The following SLC38A10 variants were observed in gnomAD, a reference collection of about 807,000 sequenced individuals.
SLC38A10 encodes the protein solute carrier family 38 member 10, also known as Sodium-coupled neutral amino acid transporter 10.
In SLC38A10, 53 loss-of-function variants were observed where a neutral mutation model predicts 81.0. The observed-to-expected ratio is 0.65, with a 90% CI of 0.53 to 0.82. The LOEUF (loss-of-function observed/expected upper bound fraction) is 0.82. Ranked by LOEUF, SLC38A10 falls within the 40% of genes least tolerant of loss-of-function variation. SLC38A10 has a pLI of 0.00. For missense variants in SLC38A10, 1,471 were observed against 1,545.0 expected, an observed-to-expected ratio of 0.95 and a Z score of 0.80; for synonymous variants, 665 against 655.3, an observed-to-expected ratio of 1.01 and a Z score of -0.23.
chr17:81,274,687 G>A (rs1225286002), intron 8 of SLC38A10, among the ~76,000 whole-genome samples: 1 of 152,172 alleles, frequency 6.6e-6, no homozygotes, highest in Non-Finnish European at 1.5e-5. Flanking sequence ...ACAGCACAGC[G>A]GGCCTTTCAT....
intron 11 of SLC38A10, among the ~76,000 whole-genome samples, chr17:81,256,809 T>C (rs936733269): frequency 9.2e-5 from 14 of 152,250 alleles, no homozygotes; most frequent in African/African-American, 3.1e-4. Context: ...AGCTGACCAA[T>C]GACCTCATGG....
At chr17:81,246,770 A>C in intron 15 of SLC38A10, 97 bp from the exon 16 acceptor site, 1 of 1,498,542 alleles carries the variant, frequency 6.7e-7, no homozygotes. Flanking sequence ...ATTGGGAACC[A>C]AAACCAGACT....
At chr17:81,261,826 G>A (rs1244229123) in intron 10 of SLC38A10, among the ~76,000 whole-genome samples, 2 of 152,248 alleles carry the variant, frequency 1.3e-5, no homozygotes, top group East Asian at 3.8e-4. Flanking sequence ...ACAGCTGGCC[G>A]GAGCAAGCGG....
intron 10 of SLC38A10, 21 bp from the exon 11 acceptor site, chr17:81,260,415 G>A (rs373721672): frequency 3.5e-4 from 557 of 1,601,020 alleles, no homozygotes; most frequent in Non-Finnish European, 4.5e-4. Flanking sequence ...AAAGACCCCA[G>A]GGGCGGGAGT....
At chr17:81,272,941 G>T (rs1301453670) in intron 8 of SLC38A10, among the ~76,000 whole-genome samples, 1 of 152,168 alleles carries the variant, frequency 6.6e-6, no homozygotes, top group African/African-American at 2.4e-5. Flanking sequence ...GCAATACCAC[G>T]AGAGTTTTTT....
At chr17:81,257,520 C>T (rs767697820) in intron 11 of SLC38A10, among the ~76,000 whole-genome samples, 5 of 152,352 alleles carry the variant, frequency 3.3e-5, no homozygotes, top group Non-Finnish European at 5.9e-5. Context: ...TGAGATCACC[C>T]CGCCATCCGT....
Position 81,246,207 on chromosome 17 carries a change from GC to G in SLC38A10, c.2708del (p.Gly903AlafsTer5). 6.2e-7 allele frequency: 1 copy of G among 1,612,702 alleles called. No homozygotes were observed. Among genetic ancestry groups the G allele is most frequent in the Non-Finnish European group, 8.5e-7 (1 of 1,179,958 alleles). Reference protein sequence around the residue: ...KKPGKEVAATGTSILKEANWL... With the variant: ...KKPGKEVAATXTSILKEANWL... The stretch of plus-strand genomic sequence containing the variant: ...AGTTGGCTTCCTTCAGAATGCTGGT[GC>G]CAGTGGCTGCCACCTCCTTCCCAGG... On this transcript the variant is annotated frameshift_variant, in exon 16 of 16. Transcript: ENST00000374759. LOFTEE classifies it low-confidence loss of function (END_TRUNC).
Position 81,270,852 on chromosome 17 carries a change from G to A in SLC38A10, c.1131+66C>T, listed in dbSNP as rs763590694. The A allele has an allele frequency of 1.1e-5, 15 of 1,390,198 alleles. No homozygotes were observed. Among genetic ancestry groups the A allele is most frequent in the Admixed American group, 5.3e-5 (3 of 56,704 alleles). 86.1% of individuals were successfully genotyped at this position (1,390,198 alleles called of 1,614,324 possible). A position where few individuals can be genotyped will look rare whatever the true frequency, so the allele number is the denominator to read the frequency against. On this transcript the variant is annotated intron_variant, in intron 10 of 15. Transcript: ENST00000374759. The surrounding 1 kb of genome is among the most constrained non-coding windows in gnomAD (Gnocchi z 4.0). ...AACGCTGAACCAGGGGCTTCCTCCC[G>A]CCTCCACCTCTCCCCAGCCCAGACC...
chr17:81,247,222 C>A, intron 14 of SLC38A10, 161 bp from the exon 15 acceptor site: 1 of 747,550 alleles, frequency 1.3e-6, no homozygotes, highest in South Asian at 2.3e-5. Context: ...GACCGTGAAG[C>A]CCGGACAGCT....
chr17:81,293,421 C>G (rs2063325274), intron 1 of SLC38A10, among the ~76,000 whole-genome samples: 1 of 152,206 alleles, frequency 6.6e-6, no homozygotes, highest in Admixed American at 6.5e-5. Flanking sequence ...AACTCAGACA[C>G]AACAGCCTGG....
intron 10 of SLC38A10, 105 bp from the exon 11 acceptor site, chr17:81,260,499 G>A (rs1040922835): frequency 1.9e-5 from 26 of 1,387,852 alleles, no homozygotes; most frequent in African/African-American, 1.6e-4. Flanking sequence ...GGTGAGGCAC[G>A]AGGAGAGTGG....
At chr17:81,261,407 G>T (rs1016307140) in intron 10 of SLC38A10, among the ~76,000 whole-genome samples, 2 of 152,248 alleles carry the variant, frequency 1.3e-5, no homozygotes, top group African/African-American at 4.8e-5. Context: ...TGTGTGCACT[G>T]GCAAGGCGGA....
rs780443311 is a variant in SLC38A10 at position 81,253,023 on chromosome 17, G to A, written c.1456+50C>T. ...CGCAGGGTGTCCAGCCTGCAAAGGA[G>A]GACCCGGGGCCGCCCTTCCCCATCC... On this transcript the variant is annotated intron_variant, in intron 12 of 15. Coordinates refer to ENST00000374759, the MANE Select transcript of SLC38A10 (RefSeq NM_001037984.3). This position sits in a 1 kb window ranked among gnomAD's most constrained non-coding sequence, Gnocchi z 4.1. 1.3e-6 allele frequency: 2 copies of A among 1,594,592 alleles called. No homozygotes were observed. The highest frequency in any genetic ancestry group is 1.7e-5 in the Admixed American group (1 of 59,616).
intron 1 of SLC38A10, among the ~76,000 whole-genome samples, chr17:81,294,074 C>T (rs893303910): frequency 6.6e-6 from 1 of 152,178 alleles, no homozygotes; most frequent in African/African-American, 2.4e-5. Flanking sequence ...AGTGCAATGG[C>T]GTGATCTCGG....
Position 81,246,539 on chromosome 17 carries a change from C to T in SLC38A10, c.2377G>A (p.Ala793Thr), listed in dbSNP as rs1228944519. 3 of 1,518,896 alleles carry T rather than the reference C, an allele frequency of 2.0e-6. No individual in the cohort carries two copies. Among genetic ancestry groups the T allele is most frequent in the South Asian group, 1.3e-5 (1 of 75,612 alleles). The allele number at this position is 1,518,896 out of a possible 1,614,324, so 94.1% of individuals were successfully genotyped here. ...PVLRAPGGRP[A>T]PSQDLNQRSL... is the part of the protein sequence containing the mutation. ...CGCTGGTTAAGGTCCTGGGATGGAG[C>T]AGGGCGGCCCCCAGGAGCTCTGAGG... The change falls in exon 16 of 16, where the codon GCT (alanine) becomes ACT (threonine). Residue 793 changes from alanine to threonine, a missense_variant. By Grantham distance (58) the Ala-to-Thr change is moderately conservative. Transcript: ENST00000374759.
In SLC38A10 at chr17:81,283,786, T is replaced by G. The variant is rs2063238212; in HGVS notation, c.264-284A>C. Among the ~76,000 whole-genome samples the G allele has an allele frequency of 6.6e-6, 1 of 151,646 alleles. No individual in the cohort carries two copies. Among genetic ancestry groups the G allele is most frequent in the Non-Finnish European group, 1.5e-5 (1 of 67,892 alleles). ...AGCCACGCCCGGCTAATTGTTTGTA[T>G]TTTTAGTAGAGACGGGGTTGCACCG... On this transcript the variant is annotated intron_variant, in intron 3 of 15. Transcript: ENST00000374759. The surrounding 1 kb of genome is among the most constrained non-coding windows in gnomAD (Gnocchi z 4.7).
At position 81,251,858 on chromosome 17, in the gene SLC38A10, C is replaced by T. The variant is rs118099334; in HGVS notation, c.1946-246G>A. On this transcript the variant is annotated intron_variant, in intron 13 of 15. Coordinates refer to ENST00000374759, the MANE Select transcript of SLC38A10 (RefSeq NM_001037984.3). ...TGCCTTCGCAATTAAAATGCAAGAACTGTCCTAAGCAGCTCTTAGACGGGC... is the reference window on the plus strand; with the variant it reads ...TGCCTTCGCAATTAAAATGCAAGAATTGTCCTAAGCAGCTCTTAGACGGGC... 6.9e-3 allele frequency: 3,544 copies of T among 516,028 alleles called. 28 individuals are homozygous for T. The highest frequency in any genetic ancestry group is 8.6e-3 in the Non-Finnish European group (2,670 of 310,178). 32.0% of individuals were successfully genotyped at this position (516,028 alleles called of 1,614,324 possible).
rs552786059 is a variant in SLC38A10, at chr17:81,280,180, C to G, written c.626+429G>C. The G allele has an allele frequency of 1.1e-3, 487 of 452,236 alleles. 6 individuals are homozygous for G. The highest frequency in any genetic ancestry group is 7.0e-3 in the South Asian group (449 of 64,150). The allele number at this position is 452,236 out of a possible 1,614,324, so 28.0% of individuals were successfully genotyped here. On this transcript the variant is annotated intron_variant, in intron 6 of 15. Coordinates refer to ENST00000374759, the MANE Select transcript of SLC38A10 (RefSeq NM_001037984.3). ...AGAGCCCTGCGTGCCAGAGAGAAAG[C>G]AGGCTCGCGCGCACATGCAGGCCTC...
chr17:81,278,483 G>A lies in SLC38A10; in HGVS notation c.627-1350C>T, dbSNP rs534873522. On this transcript the variant is annotated intron_variant, in intron 6 of 15. Transcript: ENST00000374759. Reference sequence around the variant, plus strand: ...TCCTAGCACACCATCCCATCAGGCCGCCCTCAGCATGGAGTGCCATCAGCA... The same window carrying A: ...TCCTAGCACACCATCCCATCAGGCCACCCTCAGCATGGAGTGCCATCAGCA... 4.6e-5 allele frequency among the ~76,000 whole-genome samples: 7 copies of A among 152,244 alleles called. No homozygotes were observed. In the South Asian group the frequency reaches 1.0e-3, roughly 23 times the overall value.
Sources: gnomAD v4.1 joint callset for allele counts (sites outside exome capture counted in the v4.1 genomes callset) on GRCh38, gnomAD v4.1.1 for gene constraint, Gnocchi (gnomAD v3.1) non-coding constraint, MANE v1.5 for transcripts, NCBI Gene and HGNC (gene_info 2026-07-23, HGNC 2026-07-21) for gene names.